DOK6: variants seen among roughly 807,000 people sequenced by gnomAD.
The protein encoded by DOK6 is downstream of tyrosine kinase 6.
In DOK6, 22 loss-of-function variants were observed where a neutral mutation model predicts 44.0. The observed-to-expected ratio is 0.50, with a 90% CI of 0.36 to 0.71. The LOEUF (loss-of-function observed/expected upper bound fraction) is 0.71, where lower values mean the gene tolerates loss of function less well. Ranked by LOEUF, DOK6 falls within the 30% of genes least tolerant of loss-of-function variation. The probability of loss-of-function intolerance (pLI) is 0.00; values close to 1 mark genes in which losing one functional copy is unlikely to be tolerated. For missense variants in DOK6, 340 were observed against 416.4 expected (o/e 0.82, Z 1.60); for synonymous variants, 166 against 145.5 (o/e 1.14, Z -1.01).
intron 7 of DOK6, among the ~76,000 whole-genome samples, chr18:69,804,300 T>G (rs955119552): frequency 6.6e-6 from 1 of 152,338 alleles, no homozygotes; most frequent in South Asian, 2.1e-4. Flanking sequence ...AGACTTATGA[T>G]GTCTAAGAAG....
At chr18:69,683,029 T>C (rs1986076723) in intron 4 of DOK6, among the ~76,000 whole-genome samples, 1 of 152,182 alleles carries the variant, frequency 6.6e-6, no homozygotes, top group Admixed American at 6.5e-5. Context: ...TTTGAGGATT[T>C]TCCCCCAATA....
chr18:69,528,713 A>G (rs945197798), intron 1 of DOK6, among the ~76,000 whole-genome samples: 1 of 152,230 alleles, frequency 6.6e-6, no homozygotes, highest in South Asian at 2.1e-4. Context: ...ACGTAGCTCT[A>G]TCTGGGCCTC....
chr18:69,803,350 A>G (rs7238221), intron 7 of DOK6, among the ~76,000 whole-genome samples: 29,137 of 152,100 alleles, frequency 0.19, 2,977 homozygotes, highest in East Asian at 0.28. Context: ...AAGGCAAGAA[A>G]AAAGGAAAAT....
At position 69,539,429 on chromosome 18, in the gene DOK6, T is replaced by C. The variant is rs75497730; in HGVS notation, c.67-25058T>C. Among the ~76,000 whole-genome samples the C allele has an allele frequency of 3.4e-4, 51 of 151,528 alleles. No individual in the cohort carries two copies. In the East Asian group the frequency reaches 8.6e-3, roughly 26 times the overall value. ...TTGTGAAGATAAAAAAAAGTGACCA[T>C]ACATTTTTAATTATTTTTCTTTCTC... On this transcript the variant is annotated intron_variant, in intron 1 of 7. Coordinates refer to ENST00000382713, the MANE Select transcript of DOK6 (RefSeq NM_152721.6).
chr18:69,586,646 G>A (rs74955972), intron 2 of DOK6, among the ~76,000 whole-genome samples: 2,094 of 152,270 alleles, frequency 0.014, 47 homozygotes, highest in African/African-American at 0.047. Context: ...GAGGGCAGAT[G>A]AAGAGCTCAC....
chr18:69,661,794 A>G (rs925648617), intron 3 of DOK6: 1 of 152,222 alleles, frequency 6.6e-6, no homozygotes, highest in African/African-American at 2.4e-5. Flanking sequence ...GGAAAAGTAG[A>G]AAGCTTACAT....
At chr18:69,407,452 C>T (rs1401217443) in intron 1 of DOK6, among the ~76,000 whole-genome samples, 4 of 152,196 alleles carry the variant, frequency 2.6e-5, no homozygotes, top group Middle Eastern at 3.4e-3. Flanking sequence ...TTACTTGTGC[C>T]TCACTTTAGT....
At chr18:69,592,882 C>T (rs1416529977) in intron 2 of DOK6, among the ~76,000 whole-genome samples, 1 of 151,922 alleles carries the variant, frequency 6.6e-6, no homozygotes, top group South Asian at 2.1e-4. Context: ...AGGTTTTAGA[C>T]TAATAAAAAC....
chr18:69,768,467 C>A (rs958378421), intron 7 of DOK6, among the ~76,000 whole-genome samples: 1 of 151,610 alleles, frequency 6.6e-6, no homozygotes, highest in Non-Finnish European at 1.5e-5. Context: ...GAAAAATGTT[C>A]AATTACCTTT....
chr18:69,812,291 A>G (rs1470390454), intron 7 of DOK6, among the ~76,000 whole-genome samples: 2 of 152,152 alleles, frequency 1.3e-5, no homozygotes, highest in African/African-American at 4.8e-5. Context: ...TTTACCCTGT[A>G]CTGTGTGTTC....
chr18:69,839,995 T>TTTA (rs1379400690), intron 7 of DOK6, among the ~76,000 whole-genome samples: 1 of 152,202 alleles, frequency 6.6e-6, no homozygotes, highest in East Asian at 1.9e-4. Flanking sequence ...TACCGCTAAG[T>TTTA]GGTTAAGTGG....
At chr18:69,598,608 T>C (rs559363947) in intron 2 of DOK6, among the ~76,000 whole-genome samples, 1 of 152,234 alleles carries the variant, frequency 6.6e-6, no homozygotes, top group Admixed American at 6.5e-5. Context: ...AATTAACTCA[T>C]TGAATATTAT....
At chr18:69,786,101 G>GA (rs1422555572) in intron 7 of DOK6, among the ~76,000 whole-genome samples, 2 of 151,912 alleles carry the variant, frequency 1.3e-5, no homozygotes, top group African/African-American at 2.4e-5. Context: ...TGAGGAAGGG[G>GA]AAAAAACACC....
chr18:69,416,891 C>T (rs1417194875), intron 1 of DOK6, among the ~76,000 whole-genome samples: 1 of 146,158 alleles, frequency 6.8e-6, no homozygotes, highest in Non-Finnish European at 1.5e-5. Flanking sequence ...GTCTCCTAAA[C>T]CATTTTAGGT....
Position 69,454,807 on chromosome 18 carries a change from G to T in DOK6, c.66+53497G>T, listed in dbSNP as rs567142598. The stretch of plus-strand genomic sequence containing the variant: ...CATCATTCTCAGTAAACTGTCGCAA[G>T]AACAAAAAACCAAACACCGCATATT... On this transcript the variant is annotated intron_variant, in intron 1 of 7. Transcript: ENST00000382713. 6.8e-5 allele frequency among the ~76,000 whole-genome samples: 10 copies of T among 146,282 alleles called. No individual in the cohort carries two copies. In the East Asian group the frequency reaches 2.0e-3, roughly 30 times the overall value.
At chr18:69,718,426 G>A (rs561631913) in intron 5 of DOK6, among the ~76,000 whole-genome samples, 3 of 152,262 alleles carry the variant, frequency 2.0e-5, no homozygotes, top group East Asian at 1.9e-4. Context: ...AAGTAACATT[G>A]AGAAATTTAA....
chr18:69,476,427 A>G (rs1227982851), intron 1 of DOK6, among the ~76,000 whole-genome samples: 1 of 151,702 alleles, frequency 6.6e-6, no homozygotes, highest in Non-Finnish European at 1.5e-5. Flanking sequence ...CAAGAGCGGA[A>G]GAGAAATCAG....
intron 7 of DOK6, among the ~76,000 whole-genome samples, chr18:69,789,708 T>C (rs939979402): frequency 2.6e-5 from 4 of 152,150 alleles, no homozygotes; most frequent in Non-Finnish European, 5.9e-5. Context: ...ATTAACTACA[T>C]GAAACAGATT....
In DOK6 at chr18:69,786,198, G is replaced by A. The variant is rs560546552; in HGVS notation, c.856+28325G>A. 1.1e-4 allele frequency among the ~76,000 whole-genome samples: 17 copies of A among 151,900 alleles called. No individual in the cohort carries two copies. The South Asian group carries it at 1.2e-3, about 11-fold the overall frequency. ...ACCATCTAAAAATTCATTGACTTAC[G>A]CTTAATATAAAATCTGAGGCCTATA... On this transcript the variant is annotated intron_variant, in intron 7 of 7. Transcript: ENST00000382713.
Sources: gnomAD v4.1 joint callset for allele counts (sites outside exome capture counted in the v4.1 genomes callset) on GRCh38, gnomAD v4.1.1 for gene constraint, MANE v1.5 for transcripts, NCBI Gene and HGNC (gene_info 2026-07-23, HGNC 2026-07-21) for gene names.